TBC1D12: variants seen among roughly 807,000 people sequenced by gnomAD.
TBC1D12 encodes the protein TBC1 domain family member 12.
TBC1D12 carries 56 observed loss-of-function variants against 86.7 expected under a neutral mutation model. That is an observed-to-expected ratio of 0.65 (90% confidence interval 0.52 to 0.81). The LOEUF (loss-of-function observed/expected upper bound fraction) is 0.81, where lower values mean the gene tolerates loss of function less well. TBC1D12 is among the 30% of genes least tolerant of loss of function. TBC1D12 has a pLI of 0.00. For synonymous variants in TBC1D12, 421 were observed against 411.7 expected (o/e 1.02, Z -0.27); for missense variants, 1,023 against 1,038.8 (o/e 0.98, Z 0.21).
chr10:94,514,236 G>A (rs2056561649), intron 9 of TBC1D12, among the ~76,000 whole-genome samples: 1 of 152,118 alleles, frequency 6.6e-6, no homozygotes, highest in South Asian at 2.1e-4. Flanking sequence ...TTAGCCAGGT[G>A]TGGTGGTGTG....
At chr10:94,442,140 A>T in intron 2 of TBC1D12, 121 bp downstream of exon 2, 2 of 1,145,340 alleles carry the variant, frequency 1.7e-6, no homozygotes, top group Non-Finnish European at 1.2e-6. Context: ...TTTTCTAGAT[A>T]CAGACTTTTG....
chr10:94,505,133 G>A (rs1221837227), intron 6 of TBC1D12, among the ~76,000 whole-genome samples: 2 of 151,976 alleles, frequency 1.3e-5, no homozygotes. Flanking sequence ...TAAAATTTGG[G>A]TATAATATTG....
Position 94,500,324 on chromosome 10 carries a change from C to T in TBC1D12, c.1516C>T (p.Pro506Ser). 6.2e-7 allele frequency: 1 copy of T among 1,612,720 alleles called. No homozygotes were observed. Among genetic ancestry groups the T allele is most frequent in the Non-Finnish European group, 8.5e-7 (1 of 1,179,318 alleles). Residue 506 changes from proline (P) to serine (S), a missense_variant, in exon 6 of 13, where the codon CCT (proline) becomes TCT (serine). Pro to Ser is a moderately conservative substitution (Grantham distance 74, BLOSUM62 -1). This residue lies in a region of TBC1D12 where 395 missense variants were observed against 507.7 expected (regional missense o/e 0.78). Transcript: ENST00000225235. ...TGTAGGAAATGAACTAAATATCACT[C>T]CTGGTTTGTATTCTACGTTCAGTTA... ...LAVGNELNITPELYEIFLSRA... is the reference protein window; with the variant it reads ...LAVGNELNITSELYEIFLSRA...
At chr10:94,406,876 G>A (rs1471921927) in intron 1 of TBC1D12, among the ~76,000 whole-genome samples, 3 of 151,982 alleles carry the variant, frequency 2.0e-5, no homozygotes, top group South Asian at 2.1e-4. Context: ...TGGCATGCTG[G>A]GATTTGAAAC....
chr10:94,425,983 A>G (rs1046591179), intron 1 of TBC1D12, among the ~76,000 whole-genome samples: 18 of 152,214 alleles, frequency 1.2e-4, no homozygotes, highest in African/African-American at 3.9e-4. Flanking sequence ...TTACTAATTC[A>G]GAGAAATATG....
At chr10:94,529,385 G>A (rs942341182) in intron 11 of TBC1D12, among the ~76,000 whole-genome samples, 1 of 152,142 alleles carries the variant, frequency 6.6e-6, no homozygotes, top group Admixed American at 6.5e-5. Context: ...TTGGGAGTCC[G>A]AGGCAGGCAG....
intron 1 of TBC1D12, among the ~76,000 whole-genome samples, chr10:94,422,777 G>A (rs1206658153): frequency 6.6e-6 from 1 of 151,838 alleles, no homozygotes; most frequent in Non-Finnish European, 1.5e-5. Flanking sequence ...TCAGTATGTT[G>A]TCCTGGCTGG....
At position 94,405,115 on chromosome 10, in the gene TBC1D12, TTC is replaced by T. The variant is rs879514469; in HGVS notation, c.971+1533_971+1534del. On this transcript the variant is annotated intron_variant, in intron 1 of 12. Transcript: ENST00000225235. ...ACACGCCTTTTTCTTCTTCTTCTTC[TTC>T]TTTTTTCTTAAGTCCCCAGGCAAAT... Among the ~76,000 whole-genome samples the T allele has an allele frequency of 1.9e-3, 293 of 151,760 alleles. 2 individuals are homozygous for T. Among genetic ancestry groups the T allele is most frequent in the Non-Finnish European group, 2.8e-3 (192 of 67,884 alleles).
intron 9 of TBC1D12, among the ~76,000 whole-genome samples, chr10:94,521,248 A>AC: frequency 6.6e-6 from 1 of 151,588 alleles, no homozygotes; most frequent in South Asian, 2.1e-4. Context: ...CAAAAAAAAA[A>AC]CAGGAGAAGA....
chr10:94,498,382 G>T (rs886456623), intron 5 of TBC1D12, among the ~76,000 whole-genome samples: 4 of 151,798 alleles, frequency 2.6e-5, no homozygotes, highest in African/African-American at 9.7e-5. Context: ...AAGTTATTTT[G>T]CCAGCATCTT....
At chr10:94,513,582 G>T (rs1344937345) in intron 9 of TBC1D12, among the ~76,000 whole-genome samples, 4 of 151,656 alleles carry the variant, frequency 2.6e-5, no homozygotes, top group African/African-American at 9.7e-5. Flanking sequence ...TTGAGACAGG[G>T]TCTCACTCTG....
At chr10:94,423,493 G>A (rs1367543124) in intron 1 of TBC1D12, among the ~76,000 whole-genome samples, 2 of 151,888 alleles carry the variant, frequency 1.3e-5, no homozygotes, top group African/African-American at 4.8e-5. Context: ...GATTACAGGT[G>A]CCCGCTACCA....
chr10:94,459,544 C>T lies in TBC1D12; in HGVS notation c.1096-15124C>T, dbSNP rs566061594. ...ATGGGACCTTGCGCCATGGAGCAGG[C>T]GGCGGTGCCCGTCGGGGAGGCTCGG... On this transcript the variant is annotated intron_variant, in intron 2 of 12. Transcript: ENST00000225235. Among the ~76,000 whole-genome samples, 24 of 152,306 alleles carry T rather than the reference C, an allele frequency of 1.6e-4. No homozygotes were observed. In the South Asian group the frequency reaches 2.9e-3, roughly 18 times the overall value.
intron 6 of TBC1D12, 57 bp from the exon 7 acceptor site, chr10:94,507,210 T>C: frequency 6.5e-7 from 1 of 1,536,598 alleles, no homozygotes; most frequent in Non-Finnish European, 8.9e-7. Flanking sequence ...AATTAAAATT[T>C]GCAAATATAT....
chr10:94,466,067 T>C (rs966594477), intron 2 of TBC1D12, among the ~76,000 whole-genome samples: 8 of 151,944 alleles, frequency 5.3e-5, no homozygotes, highest in African/African-American at 1.9e-4. Flanking sequence ...TTTTCATCCT[T>C]TTATTCTTGT....
chr10:94,510,175 A>G lies in TBC1D12; in HGVS notation c.1685A>G (p.Gln562Arg). 6.3e-7 allele frequency: 1 copy of G among 1,586,898 alleles called. No homozygotes were observed. Among genetic ancestry groups the G allele is most frequent in the East Asian group, 2.3e-5 (1 of 43,368 alleles). Residue 562 changes from glutamine to arginine, a missense_variant, in exon 8 of 13, where the codon CAG (glutamine) becomes CGG (arginine). Physicochemically the swap from Gln to Arg is conservative, Grantham distance 43 (BLOSUM62 1). Around this residue, in one of 2 missense-constraint regions of TBC1D12, gnomAD observed 395 missense variants for 507.7 expected, o/e 0.78. Coordinates refer to ENST00000225235, the MANE Select transcript of TBC1D12 (RefSeq NM_015188.2). ...ACATTTCCATCTCTCTACATCTTTCAGAAGGTGAGGGTTTCTAACCAGCTT... is the reference window on the plus strand; with the variant it reads ...ACATTTCCATCTCTCTACATCTTTCGGAAGGTGAGGGTTTCTAACCAGCTT... ...SRTFPSLYIF[Q>R]KGGPYHDVLH...
chr10:94,410,070 G>C (rs1284873422), intron 1 of TBC1D12, among the ~76,000 whole-genome samples: 1 of 152,100 alleles, frequency 6.6e-6, no homozygotes, highest in Non-Finnish European at 1.5e-5. Flanking sequence ...TAAGTTTTTA[G>C]ATCTTTTAAG....
At chr10:94,475,155 G>A (rs2055970276) in intron 3 of TBC1D12, among the ~76,000 whole-genome samples, 1 of 152,128 alleles carries the variant, frequency 6.6e-6, no homozygotes, top group Admixed American at 6.5e-5. Context: ...ACATAATAAA[G>A]TATTGGCTCT....
intron 1 of TBC1D12, among the ~76,000 whole-genome samples, chr10:94,420,311 C>T (rs2055056686): frequency 6.6e-6 from 1 of 152,200 alleles, no homozygotes; most frequent in African/African-American, 2.4e-5. Flanking sequence ...TAGACTTCTC[C>T]ATCTCCAGAA....
Sources: allele counts gnomAD v4.1 joint callset (sites outside exome capture counted in the v4.1 genomes callset), GRCh38; gene constraint gnomAD v4.1.1; regional missense constraint gnomAD v4.1.1; transcripts MANE v1.5; gene names NCBI Gene and HGNC (gene_info 2026-07-23, HGNC 2026-07-21).